CTIF: variants seen among roughly 807,000 people sequenced by gnomAD.
CTIF encodes cap binding complex dependent translation initiation factor.
Under a neutral mutation model 66.0 loss-of-function variants are expected in CTIF, and 21 were observed. The ratio of observed to expected loss-of-function variants is 0.32; its 90% CI spans 0.23 to 0.46. The LOEUF is 0.46. Among genes scored for constraint, CTIF ranks in the 20% least tolerant of loss-of-function variants. The pLI is 1.00. For synonymous variants in CTIF, 345 were observed against 326.4 expected, an observed-to-expected ratio of 1.06 and a Z score of -0.62; for missense variants, 739 against 812.7, an observed-to-expected ratio of 0.91 and a Z score of 1.10.
intron 6 of CTIF, among the ~76,000 whole-genome samples, chr18:48,680,882 G>A (rs997548930): frequency 6.6e-6 from 1 of 152,196 alleles, no homozygotes; most frequent in African/African-American, 2.4e-5. Flanking sequence ...TCCTGGCAGC[G>A]GTGAGTTTAG....
In CTIF at chr18:48,711,684, A is replaced by G. The variant is rs766681816; in HGVS notation, c.573A>G (p.Arg191=). The G allele has an allele frequency of 6.2e-7, 1 of 1,613,768 alleles. No homozygotes were observed. Among genetic ancestry groups the G allele is most frequent in the Non-Finnish European group, 8.5e-7 (1 of 1,179,822 alleles). ...CCAAGAAGCTGTTCCGCAGGAGGAG[A>G]AATGATCGAAGGTAGGAGAGACTTC... ...AHTKKLFRRR[R]NDRRRQQRPP... is the part of the protein sequence containing the mutation. Residue 191 remains arginine (R), a synonymous_variant, in exon 7 of 12, where the codon AGA becomes AGG. Transcript: ENST00000256413.
intron 10 of CTIF, among the ~76,000 whole-genome samples, chr18:48,825,389 G>A (rs1231031943): frequency 2.6e-5 from 4 of 152,334 alleles, no homozygotes; most frequent in South Asian, 2.1e-4. Context: ...AGGCCAGGGA[G>A]GAGAACACAG....
chr18:48,749,172 C>T (rs1907545066), intron 7 of CTIF, among the ~76,000 whole-genome samples: 2 of 152,146 alleles, frequency 1.3e-5, no homozygotes, highest in South Asian at 4.1e-4. Context: ...GAGTGACTTC[C>T]GGGAGAGCAA....
chr18:48,730,533 G>GA (rs2092440328), intron 7 of CTIF, among the ~76,000 whole-genome samples: 1 of 67,320 alleles, frequency 1.5e-5, no homozygotes. Flanking sequence ...AGGGGCCCCT[G>GA]TGGTGTGAGG....
intron 1 of CTIF, among the ~76,000 whole-genome samples, chr18:48,584,094 C>T (rs779041288): frequency 6.6e-6 from 1 of 152,208 alleles, no homozygotes; most frequent in African/African-American, 2.4e-5. Context: ...TCCCACCCAG[C>T]TGGCTGCAGC....
chr18:48,614,736 T>TA (rs962372833), intron 1 of CTIF, among the ~76,000 whole-genome samples: 3 of 152,190 alleles, frequency 2.0e-5, no homozygotes, highest in Admixed American at 6.5e-5. Flanking sequence ...TTTGGGTTGA[T>TA]AAAAAAGTTC....
chr18:48,670,553 T>G (rs763667063), intron 5 of CTIF, 116 bp from the exon 6 acceptor site: 1 of 896,050 alleles, frequency 1.1e-6, no homozygotes, highest in Non-Finnish European at 1.8e-6. Flanking sequence ...CCTGCAGGGC[T>G]TGAGGGTGGG....
intron 9 of CTIF, among the ~76,000 whole-genome samples, chr18:48,814,296 C>T (rs1397555374): frequency 2.0e-5 from 3 of 152,158 alleles, no homozygotes; most frequent in African/African-American, 4.8e-5. Flanking sequence ...CATGGTTGCA[C>T]GTTAGAATCA....
At chr18:48,643,535 G>A (rs1325309822) in intron 3 of CTIF, among the ~76,000 whole-genome samples, 3 of 152,158 alleles carry the variant, frequency 2.0e-5, no homozygotes, top group Non-Finnish European at 4.4e-5. Flanking sequence ...AAGCAGATCA[G>A]ATAATTTATT....
intron 1 of CTIF, among the ~76,000 whole-genome samples, chr18:48,582,575 C>A (rs1403809568): frequency 6.6e-6 from 1 of 152,062 alleles, no homozygotes; most frequent in Admixed American, 6.6e-5. Flanking sequence ...ACTGACCTTC[C>A]CCCTATGTGC....
rs1908598052 is a variant in CTIF, at chr18:48,758,235, G to A, written c.901G>A (p.Asp301Asn). 2 of 1,613,280 alleles carry A rather than the reference G, an allele frequency of 1.2e-6. No homozygotes were observed. The highest frequency in any genetic ancestry group is 1.7e-6 in the Non-Finnish European group (2 of 1,179,734). ...HSSLEAPRSP[D>N]TLAPVASERL... ...CAGCCTTGAGGCCCCCCGCAGCCCT[G>A]ACACCCTGGCCCCGGTGGCTTCTGA... Residue 301 changes from aspartate to asparagine, a missense_variant, in exon 8 of 12, where the codon GAC (aspartate) becomes AAC (asparagine). Asp to Asn is a conservative substitution (Grantham distance 23). Transcript: ENST00000256413.
intron 1 of CTIF, among the ~76,000 whole-genome samples, chr18:48,609,427 A>T (rs768046860): frequency 4.6e-5 from 7 of 152,202 alleles, no homozygotes; most frequent in Admixed American, 1.3e-4. Context: ...GTCGAGTGAC[A>T]ATTGCAACTG....
At chr18:48,709,715 G>A (rs953865815) in intron 6 of CTIF, among the ~76,000 whole-genome samples, 1 of 152,248 alleles carries the variant, frequency 6.6e-6, no homozygotes, top group East Asian at 1.9e-4. Context: ...GAGGGGAAAC[G>A]AGAGGGGAAG....
intron 10 of CTIF, among the ~76,000 whole-genome samples, chr18:48,831,468 C>T (rs538926463): frequency 9.8e-5 from 15 of 152,340 alleles, no homozygotes; most frequent in South Asian, 2.1e-4. Context: ...ACTGTGACAG[C>T]GCTCAGCAGG....
chr18:48,622,957 A>G (rs957235874), intron 2 of CTIF, among the ~76,000 whole-genome samples: 7 of 152,224 alleles, frequency 4.6e-5, no homozygotes, highest in African/African-American at 1.4e-4. Flanking sequence ...GGAAGCCTCA[A>G]AGCTTCACCC....
intron 1 of CTIF, chr18:48,565,324 C>T (rs2089255741): frequency 6.6e-6 from 1 of 152,154 alleles, no homozygotes; most frequent in African/African-American, 2.4e-5. Context: ...TTCCCTTCTA[C>T]AGGAAACAGC....
intron 3 of CTIF, among the ~76,000 whole-genome samples, chr18:48,655,589 C>T (rs970618054): frequency 3.3e-5 from 5 of 152,298 alleles, no homozygotes; most frequent in Admixed American, 2.6e-4. Context: ...GACTGCACCA[C>T]CTTTATCTCT....
chr18:48,731,435 T>A (rs2092456157), intron 7 of CTIF, among the ~76,000 whole-genome samples: 1 of 152,108 alleles, frequency 6.6e-6, no homozygotes, highest in Admixed American at 6.5e-5. Context: ...CCACCATTGG[T>A]CCTTTGTCAC....
At chr18:48,714,426 C>T (rs577222473) in intron 7 of CTIF, among the ~76,000 whole-genome samples, 2 of 152,312 alleles carry the variant, frequency 1.3e-5, no homozygotes, top group South Asian at 4.1e-4. Context: ...CCTCTGGTGG[C>T]TTGGTGGCTC....
Sources: allele counts gnomAD v4.1 joint callset (sites outside exome capture counted in the v4.1 genomes callset), GRCh38; gene constraint gnomAD v4.1.1; transcripts MANE v1.5; gene names NCBI Gene and HGNC (gene_info 2026-07-23, HGNC 2026-07-21).